The following PRDM16 variants were observed in gnomAD, a reference collection of about 807,000 sequenced individuals.
The protein encoded by PRDM16 is PR/SET domain 16.
Under a neutral mutation model 110.6 loss-of-function variants are expected in PRDM16, and 23 were observed. The ratio of observed to expected loss-of-function variants is 0.21; its 90% CI spans 0.15 to 0.29. The LOEUF is 0.29. Among genes scored for constraint, PRDM16 ranks in the 10% least tolerant of loss-of-function variants. The pLI is 1.00. For synonymous variants in PRDM16, 799 were observed against 781.8 expected (o/e 1.02, Z -0.37); for missense variants, 1,615 against 1,794.3 (o/e 0.90, Z 1.81).
rs530086689 is a variant in PRDM16 at position 3,405,036 on chromosome 1, C to T, written c.1032+150C>T. Reference sequence around the variant, plus strand: ...GCCCCTGCGGTGGCTCGGGCCCTTCCGTGTGACTAGGAAGGAAAGGAAGTC... The same window carrying T: ...GCCCCTGCGGTGGCTCGGGCCCTTCTGTGTGACTAGGAAGGAAAGGAAGTC... On this transcript the variant is annotated intron_variant, in intron 7 of 16. Transcript: ENST00000270722. The T allele has an allele frequency of 5.1e-6, 4 of 788,378 alleles. No individual in the cohort carries two copies. In the African/African-American group the frequency reaches 7.0e-5, roughly 14 times the overall value. 48.8% of individuals were successfully genotyped at this position (788,378 alleles called of 1,614,324 possible).
At chr1:3,118,514 G>A (rs1569601819) in intron 1 of PRDM16, among the ~76,000 whole-genome samples, 1 of 152,152 alleles carries the variant, frequency 6.6e-6, no homozygotes, top group Non-Finnish European at 1.5e-5. Flanking sequence ...GGCCTTCCCC[G>A]GCATGATGGC....
At chr1:3,409,652 G>A (rs1643635380) in intron 8 of PRDM16, among the ~76,000 whole-genome samples, 1 of 152,146 alleles carries the variant, frequency 6.6e-6, no homozygotes, top group African/African-American at 2.4e-5. Flanking sequence ...CGGGATGTGT[G>A]TGTGTGGTGT....
At chr1:3,102,147 G>A (rs776643369) in intron 1 of PRDM16, among the ~76,000 whole-genome samples, 6 of 152,170 alleles carry the variant, frequency 3.9e-5, no homozygotes, top group Non-Finnish European at 5.9e-5. Flanking sequence ...GCCCCATTTC[G>A]CAGTGGAGAA....
At chr1:3,379,104 G>A (rs1461943675) in intron 3 of PRDM16, among the ~76,000 whole-genome samples, 42 of 19,444 alleles carry the variant, frequency 2.2e-3, no homozygotes, top group African/African-American at 7.0e-3. Context: ...CACCCCTCCC[G>A]GTGCACCCCC....
At chr1:3,385,101 A>T (rs370221543) in intron 3 of PRDM16, 51 bp from the exon 4 acceptor site, 18 of 1,602,178 alleles carry the variant, frequency 1.1e-5, no homozygotes, top group Non-Finnish European at 1.5e-5. Context: ...CTGTGTGCAG[A>T]CTCCAGCACA....
At chr1:3,242,375 G>A (rs1407154025) in intron 2 of PRDM16, among the ~76,000 whole-genome samples, 2 of 152,184 alleles carry the variant, frequency 1.3e-5, no homozygotes, top group African/African-American at 2.4e-5. Context: ...TGCCCGGGGC[G>A]GCTCACTACG....
chr1:3,178,177 GT>G (rs1401260710), intron 1 of PRDM16, among the ~76,000 whole-genome samples: 34 of 152,192 alleles, frequency 2.2e-4, no homozygotes, highest in African/African-American at 7.5e-4. Context: ...GACGGCAAGG[GT>G]TTGGTCCCCT....
chr1:3,202,182 TTCA>T (rs1638645257), intron 2 of PRDM16, among the ~76,000 whole-genome samples: 1 of 152,110 alleles, frequency 6.6e-6, no homozygotes, highest in African/African-American at 2.4e-5. Context: ...ATGGTAGACT[TTCA>T]TCATCTTGGC....
intron 3 of PRDM16, among the ~76,000 whole-genome samples, chr1:3,323,460 G>A (rs893486912): frequency 6.6e-6 from 1 of 152,248 alleles, no homozygotes; most frequent in Non-Finnish European, 1.5e-5. Flanking sequence ...CCTGCCTCAG[G>A]AAAGCGTCTT....
At chr1:3,376,488 A>G (rs1397777870) in intron 3 of PRDM16, among the ~76,000 whole-genome samples, 4 of 151,990 alleles carry the variant, frequency 2.6e-5, no homozygotes, top group South Asian at 2.1e-4. Context: ...CCTGGCCCTC[A>G]TCTCTCCCCC....
At chr1:3,337,311 GCC>G (rs1642181099) in intron 3 of PRDM16, among the ~76,000 whole-genome samples, 1 of 152,198 alleles carries the variant, frequency 6.6e-6, no homozygotes. Flanking sequence ...GGAGAGAAAG[GCC>G]CCACCTGAGA....
At chr1:3,274,031 C>CT (rs944224943) in intron 3 of PRDM16, among the ~76,000 whole-genome samples, 5 of 148,546 alleles carry the variant, frequency 3.4e-5, no homozygotes, top group Non-Finnish European at 5.9e-5. Flanking sequence ...GCATCCATCT[C>CT]TGATGGGTGA....
chr1:3,304,519 T>C (rs2455132), intron 3 of PRDM16, among the ~76,000 whole-genome samples: 117,903 of 152,026 alleles, frequency 0.78, 46,136 homozygotes, highest in African/African-American at 0.89. Flanking sequence ...CTCAGCTGCC[T>C]GTCCACACGA....
intron 12 of PRDM16, among the ~76,000 whole-genome samples, chr1:3,421,189 C>A (rs1638416223): frequency 2.0e-5 from 3 of 152,300 alleles, no homozygotes; most frequent in African/African-American, 7.2e-5. Flanking sequence ...AAAGCAGATC[C>A]CCCTGTAGTG....
At position 3,390,741 on chromosome 1, in the gene PRDM16, G is replaced by A. The variant is rs1346712352; in HGVS notation, c.573+5455G>A. 2.6e-5 allele frequency among the ~76,000 whole-genome samples: 4 copies of A among 152,242 alleles called. No individual in the cohort carries two copies. Among genetic ancestry groups the A allele is most frequent in the South Asian group, 2.1e-4 (1 of 4,820 alleles). ...TGGGCGTGTGCCCTGTCAGGGTTGC[G>A]GTTTTAAACAGAGGGCATCCAACAC... On this transcript the variant is annotated intron_variant, in intron 4 of 16. Coordinates refer to ENST00000270722, the MANE Select transcript of PRDM16 (RefSeq NM_022114.4). This position sits in a 1 kb window ranked among gnomAD's most constrained non-coding sequence, Gnocchi z 5.0.
rs980738616 is a variant in PRDM16 at position 3,157,489 on chromosome 1, G to A, written c.38-28636G>A. On this transcript the variant is annotated intron_variant, in intron 1 of 16. Transcript: ENST00000270722. The surrounding 1 kb of genome is among the most constrained non-coding windows in gnomAD (Gnocchi z 4.8). ...TTGATTGTCTCTTGAAAACAGACAT[G>A]GGCCAGATCCAGTTGTTTGGTAGGA... Among the ~76,000 whole-genome samples, 5 of 150,108 alleles carry A rather than the reference G, an allele frequency of 3.3e-5. No homozygotes were observed. In the South Asian group the frequency reaches 8.4e-4, roughly 25 times the overall value.
chr1:3,147,728 G>C (rs1643703037), intron 1 of PRDM16, among the ~76,000 whole-genome samples: 1 of 152,130 alleles, frequency 6.6e-6, no homozygotes, highest in South Asian at 2.1e-4. Flanking sequence ...TCCATACCCT[G>C]GGCGGCCTCA....
In PRDM16 at chr1:3,255,911, C is replaced by CTGA. The variant is rs1640034842; in HGVS notation, c.438+11774_438+11775insTGA. ...ACCCGAAGCCAACCCCGTGGCCGCA[C>CTGA]CGACACCTGAAGCCAATCCCGTGGC... On this transcript the variant is annotated intron_variant, in intron 3 of 16. Transcript: ENST00000270722. The surrounding 1 kb of genome is among the most constrained non-coding windows in gnomAD (Gnocchi z 4.7). Among the ~76,000 whole-genome samples, 1 of 152,134 alleles carries CTGA rather than the reference C, an allele frequency of 6.6e-6. No homozygotes were observed. Among genetic ancestry groups the CTGA allele is most frequent in the Non-Finnish European group, 1.5e-5 (1 of 68,034 alleles).
At chr1:3,235,259 C>A (rs772021244) in intron 2 of PRDM16, among the ~76,000 whole-genome samples, 1 of 152,226 alleles carries the variant, frequency 6.6e-6, no homozygotes, top group Non-Finnish European at 1.5e-5. Flanking sequence ...GAACTTTCTC[C>A]TCATTTCCAG....
Sources: gnomAD v4.1 joint callset for allele counts (sites outside exome capture counted in the v4.1 genomes callset) on GRCh38, gnomAD v4.1.1 for gene constraint, Gnocchi (gnomAD v3.1) non-coding constraint, MANE v1.5 for transcripts, NCBI Gene and HGNC (gene_info 2026-07-23, HGNC 2026-07-21) for gene names.